WT1: variants seen among roughly 807,000 people sequenced by gnomAD.
WT1 encodes Wilms tumor protein.
WT1 carries 8 observed loss-of-function variants against 60.8 expected under a neutral mutation model. The ratio of observed to expected loss-of-function variants is 0.13; its 90% CI spans 0.08 to 0.24. The LOEUF (loss-of-function observed/expected upper bound fraction) is 0.24, where lower values mean the gene tolerates loss of function less well. WT1 is among the 10% of genes least tolerant of loss of function. WT1 has a pLI of 1.00. For missense variants in WT1, 568 were observed against 711.8 expected (o/e 0.80, Z 2.30); for synonymous variants, 312 against 297.1 (o/e 1.05, Z -0.52).
chr11:32,431,379 C>A (rs10742277), intron 1 of WT1, among the ~76,000 whole-genome samples: 1 of 151,152 alleles, frequency 6.6e-6, no homozygotes, highest in Non-Finnish European at 1.5e-5. Flanking sequence ...CTAATCATGC[C>A]TTAGGGTTCT....
In WT1 at chr11:32,417,557, T is replaced by C. The variant is rs777650194; in HGVS notation, c.965+20A>G. The C allele has an allele frequency of 2.5e-6, 4 of 1,606,258 alleles. No homozygotes were observed. The Admixed American group carries it at 5.0e-5, about 20-fold the overall frequency. On this transcript the variant is annotated intron_variant, in intron 4 of 9. Coordinates refer to ENST00000452863, the MANE Select transcript of WT1 (RefSeq NM_024426.6). ...GGTATAAGTTACTGTGGAAAGGCAATGGAATAGAGAAAACCTTACCCCTTT... is the reference window on the plus strand; with the variant it reads ...GGTATAAGTTACTGTGGAAAGGCAACGGAATAGAGAAAACCTTACCCCTTT...
At position 32,417,662 on chromosome 11, in the gene WT1, A is replaced by G; in HGVS notation, c.888-8T>C. 1.2e-6 allele frequency: 2 copies of G among 1,611,430 alleles called. No individual in the cohort carries two copies. The highest frequency in any genetic ancestry group is 1.7e-6 in the Non-Finnish European group (2 of 1,177,846). Reference sequence around the variant, plus strand: ...ATTTGGTATAAATTGTCACTGTTAGAAAAACATCTAGAGTTAGAAACACAT... The same window carrying G: ...ATTTGGTATAAATTGTCACTGTTAGGAAAACATCTAGAGTTAGAAACACAT... On this transcript the variant is annotated splice_region_variant and splice_polypyrimidine_tract_variant and intron_variant, in intron 3 of 9. Coordinates refer to ENST00000452863, the MANE Select transcript of WT1 (RefSeq NM_024426.6).
chr11:32,409,194 T>G (rs528267941), intron 5 of WT1, among the ~76,000 whole-genome samples: 2 of 148,118 alleles, frequency 1.4e-5, no homozygotes, highest in South Asian at 2.1e-4. Flanking sequence ...TGCTTGAGTG[T>G]GACATGCTCC....
In WT1 at chr11:32,413,497, A is replaced by T. The variant is rs185936244; in HGVS notation, c.1016+2993T>A. Among the ~76,000 whole-genome samples the T allele has an allele frequency of 3.3e-5, 5 of 152,240 alleles. No individual in the cohort carries two copies. The East Asian group carries it at 9.6e-4, about 29-fold the overall frequency. On this transcript the variant is annotated intron_variant, in intron 5 of 9. Transcript: ENST00000452863. ...AAAGGCCAAACTTTCTACTGGAATT[A>T]CAGATTCAACTAAATCCAGTTCTGG...
intron 3 of WT1, among the ~76,000 whole-genome samples, chr11:32,419,188 C>T (rs144131993): frequency 6.3e-4 from 96 of 152,248 alleles, no homozygotes; most frequent in African/African-American, 2.1e-3. Flanking sequence ...CTGAAGGACC[C>T]CAACTTTTAT....
Position 32,434,956 on chromosome 11 carries a change from T to C in WT1, c.405A>G (p.Pro135=). 6.4e-7 allele frequency: 1 copy of C among 1,550,808 alleles called. No individual in the cohort carries two copies. Residue 135 remains proline, a synonymous_variant, in exon 1 of 10, where the codon CCA becomes CCG. Coordinates refer to ENST00000452863, the MANE Select transcript of WT1 (RefSeq NM_024426.6). ...AGGAGTGAGGCGGCGGCGGCGGGGGTGGCGGCGGAGCCGGTGGCGGCGCGG... is the reference window on the plus strand; with the variant it reads ...AGGAGTGAGGCGGCGGCGGCGGGGGCGGCGGCGGAGCCGGTGGCGGCGCGG...
intron 3 of WT1, among the ~76,000 whole-genome samples, chr11:32,424,964 G>A (rs1459335321): frequency 1.3e-5 from 2 of 152,154 alleles, no homozygotes; most frequent in African/African-American, 4.8e-5. Context: ...GATTACCTGA[G>A]ATCAGGAGTT....
intron 4 of WT1, 100 bp from the exon 5 acceptor site, chr11:32,416,640 G>T: frequency 7.1e-7 from 1 of 1,408,060 alleles, no homozygotes; most frequent in Non-Finnish European, 1.0e-6. Flanking sequence ...TCAATACACA[G>T]AGACATCAAG....
At chr11:32,431,403 G>A (rs891851903) in intron 1 of WT1, among the ~76,000 whole-genome samples, 3 of 151,858 alleles carry the variant, frequency 2.0e-5, no homozygotes, top group African/African-American at 7.3e-5. Context: ...AGCCTGCGGG[G>A]CTGCGGGATC....
At position 32,416,477 on chromosome 11, in the gene WT1, A is replaced by C. The variant is rs1425896469; in HGVS notation, c.1016+13T>G. 6.2e-7 allele frequency: 1 copy of C among 1,614,012 alleles called. No homozygotes were observed. The highest frequency in any genetic ancestry group is 1.1e-5 in the South Asian group (1 of 91,084). On this transcript the variant is annotated intron_variant, in intron 5 of 9. Coordinates refer to ENST00000452863, the MANE Select transcript of WT1 (RefSeq NM_024426.6). The stretch of plus-strand genomic sequence containing the variant: ...ACGCCATTTGCTTTGCCATCTCCGC[A>C]TTGTCCACTCACTTGCTCTGCCCTT...
rs1851834762 is a variant in WT1, at chr11:32,392,076, G to C, written c.1355-12C>G. ...GAATGGTTTCACACCTAAATGGACA[G>C]AGAAGGTCTAGCCTCGGCCCTAACA... On this transcript the variant is annotated splice_polypyrimidine_tract_variant and intron_variant, in intron 8 of 9. Coordinates refer to ENST00000452863, the MANE Select transcript of WT1 (RefSeq NM_024426.6). The C allele has an allele frequency of 6.2e-7, 1 of 1,613,454 alleles. No individual in the cohort carries two copies. The highest frequency in any genetic ancestry group is 1.1e-5 in the South Asian group (1 of 91,058).
chr11:32,425,007 G>A (rs1022653792), intron 3 of WT1, among the ~76,000 whole-genome samples: 5 of 151,880 alleles, frequency 3.3e-5, no homozygotes, highest in Non-Finnish European at 7.4e-5. Flanking sequence ...GTGAAACCCC[G>A]TCTCTACTAA....
chr11:32,428,089 G>C (rs1321437348), intron 2 of WT1, 31 bp from the exon 3 acceptor site: 4 of 1,568,104 alleles, frequency 2.6e-6, no homozygotes, highest in Non-Finnish European at 3.5e-6. Flanking sequence ...AGCTGAGCGA[G>C]TGCGCCCCAA....
At position 32,434,608 on chromosome 11, in the gene WT1, G is replaced by T; in HGVS notation, c.661+92C>A. ...TGGGAAGCAGCTGGGTAAGAGCTGC[G>T]GTCAAAAGGGGTAGGAGAGGGGGGT... On this transcript the variant is annotated intron_variant, in intron 1 of 9. Coordinates refer to ENST00000452863, the MANE Select transcript of WT1 (RefSeq NM_024426.6). 3 of 1,591,494 alleles carry T rather than the reference G, an allele frequency of 1.9e-6. 1 individual carries two copies. The highest frequency in any genetic ancestry group is 2.2e-5 in the South Asian group (2 of 89,260).
At chr11:32,396,681 C>G (rs191791674) in intron 6 of WT1, among the ~76,000 whole-genome samples, 50 of 152,310 alleles carry the variant, frequency 3.3e-4, no homozygotes, top group African/African-American at 1.2e-3. Context: ...TGTCCCAGAG[C>G]CTCTGCAAAA....
intron 3 of WT1, among the ~76,000 whole-genome samples, chr11:32,423,670 TC>T (rs1466317998): frequency 6.6e-6 from 1 of 152,204 alleles, no homozygotes; most frequent in East Asian, 1.9e-4. Flanking sequence ...ACCACTTCCG[TC>T]CCTTAACTGT....
intron 7 of WT1, 112 bp from the exon 8 acceptor site, chr11:32,392,867 C>G (rs891903879): frequency 1.1e-6 from 1 of 920,294 alleles, no homozygotes; most frequent in East Asian, 2.7e-5. Flanking sequence ...AGGCACTTCG[C>G]TGGAGCTTGT....
rs5030142 is a variant in WT1 at position 32,434,037 on chromosome 11, G to C, written c.661+663C>G. 6.7e-3 allele frequency among the ~76,000 whole-genome samples: 1,020 copies of C among 152,050 alleles called. 7 individuals carry two copies. The highest frequency in any genetic ancestry group is 0.023 in the African/African-American group (937 of 41,464). ...GAACCTGCGTGGCCGCCGCCTGAGC[G>C]AAGCCCAGTGAAGATCCACTTCTGT... On this transcript the variant is annotated intron_variant, in intron 1 of 9. Transcript: ENST00000452863.
At chr11:32,416,573 T>C (rs1349860506) in intron 4 of WT1, 33 bp from the exon 5 acceptor site, 6 of 1,613,674 alleles carry the variant, frequency 3.7e-6, no homozygotes, top group Non-Finnish European at 5.1e-6. Context: ...GAGTGGGGAA[T>C]GGAGCATGCA....
Sources: allele counts gnomAD v4.1 joint callset (sites outside exome capture counted in the v4.1 genomes callset), GRCh38; gene constraint gnomAD v4.1.1; transcripts MANE v1.5; gene names NCBI Gene and HGNC (gene_info 2026-07-23, HGNC 2026-07-21).